Variants in NLK observed in about 807,000 individuals in gnomAD.
The protein encoded by NLK is nemo like kinase, also known as serine/threonine-protein kinase NLK.
In NLK, 11 loss-of-function variants were observed where a neutral mutation model predicts 59.0. That is an observed-to-expected ratio of 0.19 (90% CI 0.12 to 0.31). NLK has a LOEUF of 0.31. Ranked by LOEUF, NLK falls within the 10% of genes least tolerant of loss-of-function variation. The pLI is 1.00. For synonymous variants in NLK, 235 were observed against 235.9 expected, an observed-to-expected ratio of 1.00 and a Z score of 0.03; for missense variants, 410 against 661.1, an observed-to-expected ratio of 0.62 and a Z score of 4.16.
intron 1 of NLK, among the ~76,000 whole-genome samples, chr17:28,054,240 TG>T (rs1204595076): frequency 6.6e-6 from 1 of 152,236 alleles, no homozygotes; most frequent in Non-Finnish European, 1.5e-5. Context: ...TTTAATTGAT[TG>T]GCTTCCTCTG....
chr17:28,151,226 A>G (rs143372145), intron 3 of NLK, among the ~76,000 whole-genome samples: 1 of 152,286 alleles, frequency 6.6e-6, no homozygotes, highest in African/African-American at 2.4e-5. Context: ...ACTAGTTGAG[A>G]CATCTGGGAG....
intron 1 of NLK, among the ~76,000 whole-genome samples, chr17:28,089,123 A>G (rs1220000556): frequency 6.6e-6 from 1 of 152,200 alleles, no homozygotes; most frequent in Non-Finnish European, 1.5e-5. Context: ...TTAAAATCAT[A>G]TGGTTTGGTA....
intron 1 of NLK, among the ~76,000 whole-genome samples, chr17:28,092,751 T>TG (rs1904543271): frequency 1.2e-5 from 1 of 81,682 alleles, no homozygotes; most frequent in Non-Finnish European, 2.2e-5. Context: ...GGCTTGTTTT[T>TG]ATTTTATTTT....
intron 1 of NLK, among the ~76,000 whole-genome samples, chr17:28,120,025 C>A (rs921325389): frequency 1.3e-5 from 2 of 152,092 alleles, no homozygotes; most frequent in Non-Finnish European, 2.9e-5. Context: ...ACCAAAGAGA[C>A]GTGACAGTTG....
intron 10 of NLK, among the ~76,000 whole-genome samples, chr17:28,193,800 A>G (rs940697290): frequency 1.3e-4 from 20 of 152,282 alleles, no homozygotes; most frequent in African/African-American, 4.3e-4. Flanking sequence ...GTATTTTTCT[A>G]TTGGAAGAAG....
intron 6 of NLK, among the ~76,000 whole-genome samples, chr17:28,171,526 TG>T (rs1177962206): frequency 2.6e-5 from 4 of 152,208 alleles, no homozygotes; most frequent in Admixed American, 2.6e-4. Flanking sequence ...TGGTCTTATG[TG>T]GTGTCATATT....
At chr17:28,062,918 A>G (rs190804909) in intron 1 of NLK, among the ~76,000 whole-genome samples, 1 of 152,160 alleles carries the variant, frequency 6.6e-6, no homozygotes, top group East Asian at 1.9e-4. Context: ...TTAAATTAAG[A>G]CAGATTGACG....
intron 2 of NLK, among the ~76,000 whole-genome samples, chr17:28,129,322 G>T (rs188286452): frequency 6.6e-6 from 1 of 152,042 alleles, no homozygotes; most frequent in East Asian, 1.9e-4. Flanking sequence ...GCATGGTGGC[G>T]CATGCCCGTA....
At chr17:28,121,970 G>T (rs1279715315) in intron 1 of NLK, among the ~76,000 whole-genome samples, 1 of 152,088 alleles carries the variant, frequency 6.6e-6, no homozygotes, top group Non-Finnish European at 1.5e-5. Context: ...TTATTAAAAA[G>T]ATAGTAACTG....
At chr17:28,104,750 G>A (rs1394247048) in intron 1 of NLK, among the ~76,000 whole-genome samples, 1 of 152,130 alleles carries the variant, frequency 6.6e-6, no homozygotes, top group Non-Finnish European at 1.5e-5. Context: ...CAGTTATTTG[G>A]TAAAAGGGGA....
At chr17:28,087,385 G>T (rs975158828) in intron 1 of NLK, among the ~76,000 whole-genome samples, 1 of 152,150 alleles carries the variant, frequency 6.6e-6, no homozygotes, top group African/African-American at 2.4e-5. Flanking sequence ...AGAAAGATTT[G>T]GTTCTAGCTT....
At chr17:28,152,668 G>A (rs559493504) in intron 3 of NLK, among the ~76,000 whole-genome samples, 2 of 152,096 alleles carry the variant, frequency 1.3e-5, no homozygotes, top group East Asian at 3.9e-4. Context: ...CTGTCACCCA[G>A]GTGGGAGTGC....
chr17:28,072,530 G>A (rs1910041543), intron 1 of NLK, among the ~76,000 whole-genome samples: 1 of 151,884 alleles, frequency 6.6e-6, no homozygotes, highest in Admixed American at 6.6e-5. Flanking sequence ...GTCTCACTGT[G>A]TTGCCCAGGC....
intron 1 of NLK, among the ~76,000 whole-genome samples, chr17:28,117,865 G>A (rs920494576): frequency 6.6e-6 from 1 of 152,078 alleles, no homozygotes; most frequent in African/African-American, 2.4e-5. Flanking sequence ...TGTTTTGGAT[G>A]GGGGAAAGGC....
chr17:28,048,294 T>C (rs1265726990), intron 1 of NLK: 3 of 239,654 alleles, frequency 1.3e-5, no homozygotes, highest in Admixed American at 5.5e-5. Context: ...ATTATCCAAA[T>C]TATGTTCAAA....
intron 3 of NLK, among the ~76,000 whole-genome samples, chr17:28,153,095 G>A (rs1907552887): frequency 1.3e-5 from 2 of 151,878 alleles, no homozygotes; most frequent in Admixed American, 6.6e-5. Context: ...CCAACATGGA[G>A]AAACCCTATC....
intron 1 of NLK, among the ~76,000 whole-genome samples, chr17:28,116,956 C>T (rs746886369): frequency 6.6e-6 from 1 of 152,180 alleles, no homozygotes; most frequent in South Asian, 2.1e-4. Flanking sequence ...TGTGGATTTG[C>T]ATAGAAACCT....
intron 3 of NLK, among the ~76,000 whole-genome samples, chr17:28,150,684 T>A (rs1907443487): frequency 6.6e-6 from 1 of 152,232 alleles, no homozygotes; most frequent in Admixed American, 6.5e-5. Context: ...CATTCAGGTT[T>A]TTTTGAAGCA....
intron 1 of NLK, among the ~76,000 whole-genome samples, chr17:28,055,340 C>G (rs1279091483): frequency 1.3e-5 from 2 of 151,870 alleles, no homozygotes; most frequent in Non-Finnish European, 2.9e-5. Context: ...ATTTGCCCAC[C>G]TCGGGCTCCC....
Sources: gnomAD v4.1 joint callset for allele counts (sites outside exome capture counted in the v4.1 genomes callset) on GRCh38, gnomAD v4.1.1 for gene constraint, MANE v1.5 for transcripts, NCBI Gene and HGNC (gene_info 2026-07-23, HGNC 2026-07-21) for gene names.